The following FREM3 variants were observed in gnomAD, a reference collection of about 807,000 sequenced individuals.
FREM3 encodes FRAS1-related extracellular matrix protein 3.
Under a neutral mutation model 129.1 loss-of-function variants are expected in FREM3, and 105 were observed. That is an observed-to-expected ratio of 0.81 (90% CI 0.69 to 0.96). The LOEUF (loss-of-function observed/expected upper bound fraction) is 0.96. Ranked by LOEUF, FREM3 falls within the 40% of genes least tolerant of loss-of-function variation. FREM3 has a pLI of 0.00. For missense variants in FREM3, 2,593 were observed against 2,666.3 expected (o/e 0.97, Z 0.61); for synonymous variants, 1,014 against 1,044.9 (o/e 0.97, Z 0.57).
At chr4:143,625,374 T>C (rs1208400960) in intron 3 of FREM3, among the ~76,000 whole-genome samples, 1 of 152,204 alleles carries the variant, frequency 6.6e-6, no homozygotes, top group Non-Finnish European at 1.5e-5. Flanking sequence ...ATAAGATTAA[T>C]AGCCCCCCCA....
intron 2 of FREM3, among the ~76,000 whole-genome samples, chr4:143,678,854 A>G (rs985603573): frequency 1.3e-5 from 2 of 151,754 alleles, no homozygotes; most frequent in Non-Finnish European, 2.9e-5. Context: ...CTAGTTTATT[A>G]TATATATGAT....
intron 2 of FREM3, among the ~76,000 whole-genome samples, chr4:143,640,509 A>G (rs1455034566): frequency 6.6e-6 from 1 of 152,210 alleles, no homozygotes; most frequent in Non-Finnish European, 1.5e-5. Context: ...TGTCTCTACT[A>G]AAAATACAAA....
chr4:143,584,226 G>C (rs1326387428), intron 7 of FREM3, among the ~76,000 whole-genome samples: 3 of 151,974 alleles, frequency 2.0e-5, no homozygotes, highest in Non-Finnish European at 4.4e-5. Flanking sequence ...TGGCTAACAA[G>C]GTGAAACCCT....
chr4:143,620,748 C>T (rs1329053455), intron 5 of FREM3, among the ~76,000 whole-genome samples: 1 of 152,154 alleles, frequency 6.6e-6, no homozygotes, highest in Non-Finnish European at 1.5e-5. Flanking sequence ...TCTCATTTGA[C>T]TTTCACAAAT....
At chr4:143,612,161 T>A (rs1458554829) in intron 5 of FREM3, among the ~76,000 whole-genome samples, 1 of 152,228 alleles carries the variant, frequency 6.6e-6, no homozygotes, top group Non-Finnish European at 1.5e-5. Context: ...GACAAATGCA[T>A]ATAATCATGT....
At chr4:143,674,544 T>A (rs1466518603) in intron 2 of FREM3, among the ~76,000 whole-genome samples, 3 of 152,128 alleles carry the variant, frequency 2.0e-5, no homozygotes, top group Admixed American at 2.0e-4. Context: ...CATAACAATA[T>A]TAACCTTAAA....
At chr4:143,648,573 G>C (rs1739460123) in intron 2 of FREM3, among the ~76,000 whole-genome samples, 1 of 152,200 alleles carries the variant, frequency 6.6e-6, no homozygotes, top group African/African-American at 2.4e-5. Flanking sequence ...CATGAGATCT[G>C]ATGGCTTTAT....
intron 2 of FREM3, among the ~76,000 whole-genome samples, chr4:143,678,567 A>C (rs1458438641): frequency 2.6e-5 from 4 of 151,918 alleles, no homozygotes; most frequent in Non-Finnish European, 5.9e-5. Context: ...TGTAAAAAGA[A>C]GAAAAAGCCT....
At chr4:143,604,447 A>C (rs1479839260) in intron 6 of FREM3, among the ~76,000 whole-genome samples, 1 of 152,146 alleles carries the variant, frequency 6.6e-6, no homozygotes, top group Non-Finnish European at 1.5e-5. Flanking sequence ...TGCAGTCCTC[A>C]ACCTTGGCTC....
In FREM3 at chr4:143,699,444, C is replaced by G; in HGVS notation, c.1232G>C (p.Gly411Ala). ...AAAGGGGTCTGAGGCGGCGCCGTCT[C>G]CGTCCACCACCTCCAGCTCCAGCTG... ...LFQLELEVVD[G>A]DGAASDPFAF... The change falls in exon 1 of 8, where the codon GGA (glycine) becomes GCA (alanine). Residue 411 changes from glycine to alanine, a missense_variant. By Grantham distance (60) the Gly-to-Ala change is moderately conservative (BLOSUM62 0). Transcript: ENST00000329798. This position sits in a 1 kb window ranked among gnomAD's most constrained non-coding sequence, Gnocchi z 4.2. 1 of 1,537,304 alleles carries G rather than the reference C, an allele frequency of 6.5e-7. No individual in the cohort carries two copies. The highest frequency in any genetic ancestry group is 8.7e-7 in the Non-Finnish European group (1 of 1,146,928).
chr4:143,677,034 A>T (rs1740147871), intron 2 of FREM3, among the ~76,000 whole-genome samples: 2 of 152,200 alleles, frequency 1.3e-5, no homozygotes, highest in African/African-American at 4.8e-5. Context: ...CTGAATTGGA[A>T]AAAACTACTT....
chr4:143,614,426 C>T (rs1738810820), intron 5 of FREM3, among the ~76,000 whole-genome samples: 1 of 152,154 alleles, frequency 6.6e-6, no homozygotes, highest in African/African-American at 2.4e-5. Context: ...AAGATAAGGT[C>T]CCTGGCGATT....
intron 6 of FREM3, among the ~76,000 whole-genome samples, chr4:143,587,527 C>G (rs1364899103): frequency 6.6e-6 from 1 of 152,138 alleles, no homozygotes; most frequent in African/African-American, 2.4e-5. Context: ...GCACAGTGAT[C>G]AGGTCAGGGT....
chr4:143,641,321 A>G (rs1447590345), intron 2 of FREM3, among the ~76,000 whole-genome samples: 1 of 37,332 alleles, frequency 2.7e-5, no homozygotes, highest in Non-Finnish European at 6.6e-5. Flanking sequence ...AAAAGGAGAT[A>G]AAAAAGAAGC....
At position 143,609,787 on chromosome 4, in the gene FREM3, A is replaced by G. The variant is rs190784815; in HGVS notation, c.6028+1492T>C. On this transcript the variant is annotated intron_variant, in intron 6 of 7. Transcript: ENST00000329798. ...ACGTAGGGATTTTTCAGATGTCTCAACCAGACAAATTTACTCAGATTCTAC... is the reference window on the plus strand; with the variant it reads ...ACGTAGGGATTTTTCAGATGTCTCAGCCAGACAAATTTACTCAGATTCTAC... 1.4e-4 allele frequency among the ~76,000 whole-genome samples: 22 copies of G among 152,332 alleles called. 1 individual carries two copies. The highest frequency in any genetic ancestry group is 3.9e-4 in the Admixed American group (6 of 15,300).
intron 4 of FREM3, among the ~76,000 whole-genome samples, chr4:143,623,505 C>G (rs969183898): frequency 2.2e-5 from 3 of 134,646 alleles, no homozygotes; most frequent in Admixed American, 7.2e-5. Flanking sequence ...CCCCCCCCCC[C>G]CCACCATTTA....
Position 143,696,625 on chromosome 4 carries a change from G to C in FREM3, c.4051C>G (p.Gln1351Glu). ...SLSFVLHSGP[Q>E]QGLLQRLRKP... The stretch of plus-strand genomic sequence containing the variant: ...CTCAGCCTCTGTAGAAGCCCTTGTT[G>C]AGGCCCAGAATGGAGGACAAAACTG... The change falls in exon 1 of 8, where the codon CAA (glutamine) becomes GAA (glutamate). Residue 1351 changes from glutamine (Q) to glutamate (E), a missense_variant. Around this residue, in one of 2 missense-constraint regions of FREM3, gnomAD observed 2,276 missense variants for 2,267.2 expected, o/e 1.00. Coordinates refer to ENST00000329798, the MANE Select transcript of FREM3 (RefSeq NM_001168235.2). 4 of 1,537,760 alleles carry C rather than the reference G, an allele frequency of 2.6e-6. No homozygotes were observed. Among genetic ancestry groups the C allele is most frequent in the Non-Finnish European group, 3.5e-6 (4 of 1,147,022 alleles).
At chr4:143,687,260 A>C (rs1740387340) in intron 2 of FREM3, among the ~76,000 whole-genome samples, 1 of 152,152 alleles carries the variant, frequency 6.6e-6, no homozygotes, top group Admixed American at 6.5e-5. Flanking sequence ...AGATGGATAA[A>C]TTTCTGGAAA....
rs111763964 is a variant in FREM3 at position 143,634,211 on chromosome 4, G to C, written c.5276-6451C>G. Among the ~76,000 whole-genome samples the C allele has an allele frequency of 8.7e-4, 133 of 152,280 alleles. 1 individual carries two copies. Among genetic ancestry groups the C allele is most frequent in the African/African-American group, 3.0e-3 (126 of 41,548 alleles). The stretch of plus-strand genomic sequence containing the variant: ...CAGATATTTGGATATATGGGACAAA[G>C]GTTTGGGGACAGCCAAAGGCAAGAC... On this transcript the variant is annotated intron_variant, in intron 2 of 7. Transcript: ENST00000329798.
Sources: allele counts gnomAD v4.1 joint callset (sites outside exome capture counted in the v4.1 genomes callset), GRCh38; gene constraint gnomAD v4.1.1; regional missense constraint gnomAD v4.1.1; non-coding constraint Gnocchi (gnomAD v3.1); transcripts MANE v1.5; gene names NCBI Gene and HGNC (gene_info 2026-07-23, HGNC 2026-07-21).